The following TOX3 variants were observed in gnomAD, a reference collection of about 807,000 sequenced individuals.
TOX3 encodes the protein CAG trinucleotide repeat-containing gene F9 protein.
Under a neutral mutation model 64.3 loss-of-function variants are expected in TOX3, and 22 were observed. The observed-to-expected ratio is 0.34, with a 90% CI of 0.24 to 0.49. The LOEUF (loss-of-function observed/expected upper bound fraction) is 0.49, where lower values mean the gene tolerates loss of function less well. TOX3 is among the 20% of genes least tolerant of loss of function. The pLI is 0.99. For synonymous variants in TOX3, 291 were observed against 273.6 expected (o/e 1.06, Z -0.63); for missense variants, 661 against 714.4 (o/e 0.93, Z 0.85).
intron 1 of TOX3, among the ~76,000 whole-genome samples, chr16:52,544,930 T>A (rs1292897009): frequency 3.3e-5 from 5 of 152,034 alleles, no homozygotes; most frequent in Admixed American, 6.5e-5. Context: ...AAAGAAGGAG[T>A]TACATTAGGC....
At chr16:52,543,886 A>G (rs1338679745) in intron 1 of TOX3, among the ~76,000 whole-genome samples, 1 of 152,210 alleles carries the variant, frequency 6.6e-6, no homozygotes, top group Non-Finnish European at 1.5e-5. Context: ...CATGCATATA[A>G]TTGATACAAA....
intron 2 of TOX3, among the ~76,000 whole-genome samples, chr16:52,465,107 C>T (rs2151756742): frequency 6.8e-6 from 1 of 148,042 alleles, no homozygotes; most frequent in East Asian, 2.1e-4. Context: ...CTCCGCCTCC[C>T]GGATTCACGC....
At chr16:52,504,226 G>C (rs1962089451) in intron 1 of TOX3, among the ~76,000 whole-genome samples, 1 of 151,972 alleles carries the variant, frequency 6.6e-6, no homozygotes, top group African/African-American at 2.4e-5. Context: ...CAGCACTTTG[G>C]GTGGCTGAGG....
chr16:52,471,029 G>A (rs1206949760), intron 1 of TOX3, among the ~76,000 whole-genome samples: 1 of 152,144 alleles, frequency 6.6e-6, no homozygotes, highest in African/African-American at 2.4e-5. Context: ...ATAGGTACCT[G>A]GGACCCTAGT....
intron 1 of TOX3, among the ~76,000 whole-genome samples, chr16:52,497,281 G>A (rs549811397): frequency 7.9e-5 from 12 of 152,264 alleles, no homozygotes; most frequent in African/African-American, 2.9e-4. Flanking sequence ...CCAACCAGTT[G>A]TTCAATCTAT....
At chr16:52,469,910 T>A (rs774744256) in intron 1 of TOX3, among the ~76,000 whole-genome samples, 4 of 152,222 alleles carry the variant, frequency 2.6e-5, no homozygotes, top group Non-Finnish European at 4.4e-5. Context: ...CAAAAGACTC[T>A]AATGGTTCCA....
chr16:52,514,411 T>C (rs1421509080), intron 1 of TOX3, among the ~76,000 whole-genome samples: 3 of 152,190 alleles, frequency 2.0e-5, no homozygotes, highest in Non-Finnish European at 4.4e-5. Flanking sequence ...AACTTCACAT[T>C]ATGAGTTTTG....
chr16:52,494,935 T>G (rs9302555), intron 1 of TOX3, among the ~76,000 whole-genome samples: 42,231 of 152,134 alleles, frequency 0.28, 6,105 homozygotes, highest in South Asian at 0.39. Flanking sequence ...ACCACAATTC[T>G]CAGTACCATA....
intron 1 of TOX3, among the ~76,000 whole-genome samples, chr16:52,483,459 C>T (rs933395419): frequency 4.6e-5 from 7 of 151,784 alleles, no homozygotes; most frequent in South Asian, 2.1e-4. Context: ...AATCTCCCTT[C>T]GTGTGCCTTT....
rs191503088 is a variant in TOX3, at chr16:52,455,385, G to A, written c.409-4839C>T. 1.8e-4 allele frequency among the ~76,000 whole-genome samples: 27 copies of A among 151,916 alleles called. No individual in the cohort carries two copies. The Middle Eastern group carries it at 0.01, about 57-fold the overall frequency. On this transcript the variant is annotated intron_variant, in intron 3 of 6. Coordinates refer to ENST00000219746, the MANE Select transcript of TOX3 (RefSeq NM_001080430.4). ...TACCAGTAGCCGCCCTTTCCCTACC[G>A]GGCTGTGACAACCAAAATGTATACA... is the stretch of plus-strand genomic sequence containing the variant.
At chr16:52,471,702 C>T (rs1025459287) in intron 1 of TOX3, among the ~76,000 whole-genome samples, 2 of 152,194 alleles carry the variant, frequency 1.3e-5, no homozygotes, top group African/African-American at 2.4e-5. Context: ...GAGTCATTTT[C>T]ACTTACTTTT....
intron 1 of TOX3, among the ~76,000 whole-genome samples, chr16:52,479,986 C>T (rs1961322259): frequency 6.6e-6 from 1 of 152,198 alleles, no homozygotes; most frequent in African/African-American, 2.4e-5. Flanking sequence ...GGATTCTCCT[C>T]CTTTAAGCTC....
intron 1 of TOX3, among the ~76,000 whole-genome samples, chr16:52,472,864 C>T (rs1298902355): frequency 4.6e-5 from 7 of 152,048 alleles, no homozygotes; most frequent in Non-Finnish European, 1.0e-4. Flanking sequence ...AGATGTGATC[C>T]CCAAAGATAG....
intron 4 of TOX3, among the ~76,000 whole-genome samples, chr16:52,447,125 A>G (rs766061893): frequency 6.6e-6 from 1 of 152,196 alleles, no homozygotes; most frequent in Non-Finnish European, 1.5e-5. Context: ...ACCAGCTACC[A>G]CCATCTAAGT....
At chr16:52,527,746 C>T (rs940582557) in intron 1 of TOX3, among the ~76,000 whole-genome samples, 4 of 152,172 alleles carry the variant, frequency 2.6e-5, no homozygotes, top group Non-Finnish European at 4.4e-5. Flanking sequence ...AGAGAAATAA[C>T]TGCCCTATAT....
chr16:52,507,303 G>A (rs528815103), intron 1 of TOX3, among the ~76,000 whole-genome samples: 1 of 152,342 alleles, frequency 6.6e-6, no homozygotes, highest in Non-Finnish European at 1.5e-5. Flanking sequence ...GCTCATGCCT[G>A]TAATCCCACC....
chr16:52,481,235 G>T (rs1961361487), intron 1 of TOX3, among the ~76,000 whole-genome samples: 1 of 152,162 alleles, frequency 6.6e-6, no homozygotes, highest in Admixed American at 6.5e-5. Flanking sequence ...TGCAATTAAA[G>T]ATTCTCTTAA....
At chr16:52,512,923 A>C (rs1290839284) in intron 1 of TOX3, among the ~76,000 whole-genome samples, 1 of 152,232 alleles carries the variant, frequency 6.6e-6, no homozygotes, top group Non-Finnish European at 1.5e-5. Context: ...ACACGGTGTG[A>C]GTAACGTAAG....
intron 6 of TOX3, among the ~76,000 whole-genome samples, chr16:52,440,752 C>CTTTTTTTTTTT (rs60615310): frequency 1.4e-4 from 9 of 66,610 alleles, no homozygotes; most frequent in Non-Finnish European, 2.1e-4. Flanking sequence ...TTCTTTCTTT[C>CTTTTTTTTTTT]TTTTTTTTTT....
Sources: allele counts gnomAD v4.1 joint callset (sites outside exome capture counted in the v4.1 genomes callset), GRCh38; gene constraint gnomAD v4.1.1; transcripts MANE v1.5; gene names NCBI Gene and HGNC (gene_info 2026-07-23, HGNC 2026-07-21).